DDI2: variants seen among roughly 807,000 people sequenced by gnomAD.
The protein encoded by DDI2 is DDI proteasomal shuttling factor 2.
DDI2 carries 5 observed loss-of-function variants against 48.1 expected under a neutral mutation model. The observed-to-expected ratio is 0.10, with a 90% CI of 0.05 to 0.22. The LOEUF (loss-of-function observed/expected upper bound fraction) is 0.22, where lower values mean the gene tolerates loss of function less well. Ranked by LOEUF, DDI2 falls within the 10% of genes least tolerant of loss-of-function variation. The pLI, the probability that DDI2 is intolerant of heterozygous loss-of-function variation, is 1.00. For synonymous variants in DDI2, 205 were observed against 183.6 expected (o/e 1.12, Z -0.94); for missense variants, 285 against 506.2 (o/e 0.56, Z 4.19).
In DDI2 at chr1:15,617,621, C is replaced by T. The variant is rs774009806; in HGVS notation, c.-50C>T. On this transcript the variant is annotated 5_prime_UTR_variant, in exon 1 of 10. Transcript: ENST00000480945. ...CACGCCGCCGCCTCTTCCCCTGCGCCCCGCGCCCAGGCCGGGCCGAGCCGA... is the reference window on the plus strand; with the variant it reads ...CACGCCGCCGCCTCTTCCCCTGCGCTCCGCGCCCAGGCCGGGCCGAGCCGA... 1 of 1,297,418 alleles carries T rather than the reference C, an allele frequency of 7.7e-7. No individual in the cohort carries two copies. The highest frequency in any genetic ancestry group is 2.4e-5 in the South Asian group (1 of 42,274). 80.4% of individuals were successfully genotyped at this position (1,297,418 alleles called of 1,614,324 possible).
rs113270084 is a variant in DDI2, at chr1:15,646,158, G to T, written c.889+2508G>T. Among the ~76,000 whole-genome samples the T allele has an allele frequency of 6.2e-3, 939 of 152,340 alleles. 10 individuals are homozygous for T. Among genetic ancestry groups the T allele is most frequent in the African/African-American group, 0.02 (814 of 41,578 alleles). ...GGGTGAAGGGTCTCCTGGCCTAGCA[G>T]AGTGCGGGAGGGACACCCCAAGGGC... is the stretch of plus-strand genomic sequence containing the variant. On this transcript the variant is annotated intron_variant, in intron 6 of 9. Transcript: ENST00000480945.
intron 6 of DDI2, 36 bp from the exon 7 acceptor site, chr1:15,649,684 C>G (rs367908127): frequency 3.0e-5 from 48 of 1,592,880 alleles, no homozygotes; most frequent in Admixed American, 1.2e-4. Flanking sequence ...TTTTGAAGTA[C>G]GTAACAATAA....
In DDI2 at chr1:15,660,224, A is replaced by G; in HGVS notation, c.*434A>G. 2 of 1,614,232 alleles carry G rather than the reference A, an allele frequency of 1.2e-6. No homozygotes were observed. On this transcript the variant is annotated 3_prime_UTR_variant, in exon 10 of 10. Transcript: ENST00000480945. Reference sequence around the variant, plus strand: ...GAGAAATCTGCTGAAAGAAGCACCCAGGGCCTCAAATTTCATCTCCATACA... The same window carrying G: ...GAGAAATCTGCTGAAAGAAGCACCCGGGGCCTCAAATTTCATCTCCATACA...
chr1:15,658,146 T>TTTA (rs1057458847), intron 9 of DDI2, among the ~76,000 whole-genome samples: 1 of 152,062 alleles, frequency 6.6e-6, no homozygotes, highest in African/African-American at 2.4e-5. Context: ...ATTTTTATTT[T>TTTA]TTATTATTAT....
Position 15,663,057 on chromosome 1 carries a change from C to A in DDI2, c.*3267C>A, listed in dbSNP as rs550496737. 2.0e-5 allele frequency: 3 copies of A among 152,268 alleles called. No individual in the cohort carries two copies. The highest frequency in any genetic ancestry group is 3.9e-4 in the East Asian group (2 of 5,192). 9.4% of individuals were successfully genotyped at this position (152,268 alleles called of 1,614,324 possible). On this transcript the variant is annotated 3_prime_UTR_variant, in exon 10 of 10. Coordinates refer to ENST00000480945, the MANE Select transcript of DDI2 (RefSeq NM_032341.5). ...CCTACTGGATAGGTTTTAGATAATT[C>A]TTTCCTGGCAAACTGCTCTTTTGGG...
intron 1 of DDI2, among the ~76,000 whole-genome samples, chr1:15,624,135 T>C (rs1406074158): frequency 6.6e-6 from 1 of 152,256 alleles, no homozygotes; most frequent in Non-Finnish European, 1.5e-5. Context: ...ATACTGATAG[T>C]TGAATTTCTG....
Position 15,660,107 on chromosome 1 carries a change from A to AT in DDI2, c.*318dup, listed in dbSNP as rs753940898. 4 of 1,614,170 alleles carry AT rather than the reference A, an allele frequency of 2.5e-6. No individual in the cohort carries two copies. Among genetic ancestry groups the AT allele is most frequent in the East Asian group, 2.2e-5 (1 of 44,886 alleles). On this transcript the variant is annotated 3_prime_UTR_variant, in exon 10 of 10. Coordinates refer to ENST00000480945, the MANE Select transcript of DDI2 (RefSeq NM_032341.5). ...CTTTCTTTACAAGATCTTTCTGATC[A>AT]TGCTTCCTCAGCAGACCATGCTCCA...
At position 15,666,040 on chromosome 1, in the gene DDI2, T is replaced by C. The variant is rs1640448004; in HGVS notation, c.*6250T>C. On this transcript the variant is annotated 3_prime_UTR_variant, in exon 10 of 10. Coordinates refer to ENST00000480945, the MANE Select transcript of DDI2 (RefSeq NM_032341.5). Reference sequence around the variant, plus strand: ...AGAGTTTCCCTTCCTAGAAGATGAATGTTACCTTTTGTGTTAGGAGGTAGA... The same window carrying C: ...AGAGTTTCCCTTCCTAGAAGATGAACGTTACCTTTTGTGTTAGGAGGTAGA... 6.6e-6 allele frequency: 1 copy of C among 152,176 alleles called. No individual in the cohort carries two copies. Among genetic ancestry groups the C allele is most frequent in the East Asian group, 1.9e-4 (1 of 5,204 alleles). The allele number at this position is 152,176 out of a possible 1,614,324, so 9.4% of individuals were successfully genotyped here. A position where few individuals can be genotyped will look rare whatever the true frequency, so the allele number is the denominator to read the frequency against.
intron 6 of DDI2, among the ~76,000 whole-genome samples, chr1:15,648,483 G>A (rs139551222): frequency 1.7e-3 from 262 of 152,310 alleles, no homozygotes; most frequent in African/African-American, 5.9e-3. Flanking sequence ...TTGTGAGACT[G>A]GATGTGCTCA....
chr1:15,619,470 C>CTTTTT (rs556693940), intron 1 of DDI2, among the ~76,000 whole-genome samples: 2 of 125,698 alleles, frequency 1.6e-5, no homozygotes, highest in Admixed American at 8.1e-5. Context: ...CTTTTCTTTT[C>CTTTTT]TTTTTTTTTT....
intron 6 of DDI2, among the ~76,000 whole-genome samples, chr1:15,644,800 A>G (rs1302771240): frequency 1.3e-5 from 2 of 151,516 alleles, no homozygotes; most frequent in African/African-American, 4.9e-5. Flanking sequence ...TCACCGTGTT[A>G]GCCAGGGTGG....
chr1:15,623,663 A>G (rs910546831), intron 1 of DDI2, among the ~76,000 whole-genome samples: 5 of 151,822 alleles, frequency 3.3e-5, no homozygotes, highest in African/African-American at 1.2e-4. Context: ...TCATCCTCCC[A>G]AAGTTTTGGA....
intron 4 of DDI2, among the ~76,000 whole-genome samples, chr1:15,634,688 C>T (rs1163869698): frequency 2.0e-5 from 3 of 151,676 alleles, no homozygotes; most frequent in African/African-American, 4.8e-5. Flanking sequence ...TCTGTCACCA[C>T]GCCCAGCTAA....
Position 15,633,811 on chromosome 1 carries a change from C to T in DDI2, c.632+246C>T, listed in dbSNP as rs1420385280. ...TAAAATTTTAAGGAGGACTCCCTGACTAGCAGACAGAGCATCATAACACAG... is the reference window on the plus strand; with the variant it reads ...TAAAATTTTAAGGAGGACTCCCTGATTAGCAGACAGAGCATCATAACACAG... On this transcript the variant is annotated intron_variant, in intron 4 of 9. Transcript: ENST00000480945. 2.6e-5 allele frequency: 13 copies of T among 508,716 alleles called. No individual in the cohort carries two copies. In the Admixed American group the frequency reaches 3.0e-4, roughly 12 times the overall value. 31.5% of individuals were successfully genotyped at this position (508,716 alleles called of 1,614,324 possible).
At chr1:15,643,905 C>T (rs1416689735) in intron 6 of DDI2, among the ~76,000 whole-genome samples, 1 of 151,964 alleles carries the variant, frequency 6.6e-6, no homozygotes. Flanking sequence ...AAATATAATC[C>T]CTTTCCGTCA....
chr1:15,661,962 A>T lies in DDI2; in HGVS notation c.*2172A>T, dbSNP rs1043256565. ...AGGCCTTTTTAAATGTATTGGCAGT[A>T]TGTGCATACAGAAGCTTTTTATTCT... On this transcript the variant is annotated 3_prime_UTR_variant, in exon 10 of 10. Transcript: ENST00000480945. 2.5e-5 allele frequency: 11 copies of T among 448,420 alleles called. No individual in the cohort carries two copies. Among genetic ancestry groups the T allele is most frequent in the African/African-American group, 2.2e-4 (11 of 49,972 alleles). 27.8% of individuals were successfully genotyped at this position (448,420 alleles called of 1,614,324 possible). A position where few individuals can be genotyped will look rare whatever the true frequency, so the allele number is the denominator to read the frequency against.
intron 6 of DDI2, among the ~76,000 whole-genome samples, chr1:15,645,827 A>G (rs1570982902): frequency 6.7e-6 from 1 of 149,126 alleles, no homozygotes; most frequent in African/African-American, 2.5e-5. Flanking sequence ...CTGTGTTCAT[A>G]CTACTGTACT....
intron 1 of DDI2, among the ~76,000 whole-genome samples, chr1:15,624,133 A>G (rs16851876): frequency 6.6e-6 from 1 of 152,064 alleles, no homozygotes; most frequent in Non-Finnish European, 1.5e-5. Flanking sequence ...ATATACTGAT[A>G]GTTGAATTTC....
chr1:15,636,039 T>C (rs146658386), intron 4 of DDI2, among the ~76,000 whole-genome samples: 141 of 152,310 alleles, frequency 9.3e-4, no homozygotes, highest in African/African-American at 3.2e-3. Flanking sequence ...TGAGTTTAAA[T>C]TTTGTTGCAA....
Sources: gnomAD v4.1 joint callset for allele counts (sites outside exome capture counted in the v4.1 genomes callset) on GRCh38, gnomAD v4.1.1 for gene constraint, MANE v1.5 for transcripts, NCBI Gene and HGNC (gene_info 2026-07-23, HGNC 2026-07-21) for gene names.